TGFBR3: variants seen among roughly 807,000 people sequenced by gnomAD.
The protein encoded by TGFBR3 is transforming growth factor beta receptor 3.
A neutral mutation model predicts 87.9 loss-of-function variants in TGFBR3; 46 were observed. That is an observed-to-expected ratio of 0.52 (90% CI 0.41 to 0.67). The LOEUF (loss-of-function observed/expected upper bound fraction) is 0.67. Among genes scored for constraint, TGFBR3 ranks in the 30% least tolerant of loss-of-function variants. The pLI is 0.00. For synonymous variants in TGFBR3, 381 were observed against 391.6 expected (o/e 0.97, Z 0.32); for missense variants, 866 against 1,041.9 (o/e 0.83, Z 2.32).
chr1:91,689,840 TAAAAAAAAA>T (rs545760131), intron 16 of TGFBR3, among the ~76,000 whole-genome samples: 2 of 99,282 alleles, frequency 2.0e-5, no homozygotes, highest in South Asian at 7.6e-4. Context: ...AGAAACTGAT[TAAAAAAAAA>T]AAAAAAAAAA....
chr1:91,753,046 G>T (rs1368172208), intron 4 of TGFBR3, among the ~76,000 whole-genome samples: 1 of 149,178 alleles, frequency 6.7e-6, no homozygotes, highest in South Asian at 2.1e-4. Flanking sequence ...AAGAAAAAAA[G>T]AAAAAAAAAT....
intron 1 of TGFBR3, among the ~76,000 whole-genome samples, chr1:91,863,007 C>A (rs1366100844): frequency 6.6e-6 from 1 of 152,122 alleles, no homozygotes; most frequent in African/African-American, 2.4e-5. Context: ...TAATTTATTG[C>A]ATCAAGTGAC....
chr1:91,900,596 C>T (rs1679691763), intron 1 of TGFBR3, among the ~76,000 whole-genome samples: 1 of 152,152 alleles, frequency 6.6e-6, no homozygotes, highest in Non-Finnish European at 1.5e-5. Context: ...AAAAGTATCA[C>T]ATACAAGAAA....
intron 1 of TGFBR3, among the ~76,000 whole-genome samples, chr1:91,881,525 T>C (rs1679072937): frequency 6.6e-6 from 1 of 152,080 alleles, no homozygotes; most frequent in Admixed American, 6.6e-5. Flanking sequence ...CCAGAAACCA[T>C]AGCCTAGTAG....
chr1:91,691,930 G>A (rs950285361), intron 16 of TGFBR3, among the ~76,000 whole-genome samples: 8 of 152,098 alleles, frequency 5.3e-5, no homozygotes, highest in Non-Finnish European at 1.0e-4. Context: ...CCTGAGAGGC[G>A]GAGCTTGCAG....
At chr1:91,820,970 A>G (rs1050800666) in intron 2 of TGFBR3, among the ~76,000 whole-genome samples, 2 of 152,112 alleles carry the variant, frequency 1.3e-5, no homozygotes, top group Non-Finnish European at 2.9e-5. Context: ...CACGAGAGGA[A>G]CTCTGACTTT....
At chr1:91,850,580 AG>A (rs1000095984) in intron 2 of TGFBR3, among the ~76,000 whole-genome samples, 1 of 152,100 alleles carries the variant, frequency 6.6e-6, no homozygotes, top group Admixed American at 6.5e-5. Context: ...CAGAAGTTTG[AG>A]ACCAGCCTAG....
intron 1 of TGFBR3, among the ~76,000 whole-genome samples, chr1:91,904,808 C>T (rs914902339): frequency 5.9e-5 from 9 of 151,996 alleles, no homozygotes; most frequent in African/African-American, 1.9e-4. Flanking sequence ...TCAGGTGATC[C>T]GCCCACCTCG....
intron 3 of TGFBR3, among the ~76,000 whole-genome samples, chr1:91,768,200 G>A (rs1246465576): frequency 7.1e-5 from 9 of 126,654 alleles, no homozygotes; most frequent in Middle Eastern, 5.6e-3. Flanking sequence ...CAACAAGAGC[G>A]AAACTCCATC....
At chr1:91,845,292 A>G (rs929001143) in intron 2 of TGFBR3, among the ~76,000 whole-genome samples, 7 of 152,238 alleles carry the variant, frequency 4.6e-5, no homozygotes, top group Non-Finnish European at 8.8e-5. Context: ...CATGTTGCTC[A>G]AGCCCAAAAG....
intron 2 of TGFBR3, among the ~76,000 whole-genome samples, chr1:91,807,196 C>T (rs546777072): frequency 6.6e-6 from 1 of 152,190 alleles, no homozygotes; most frequent in Admixed American, 6.5e-5. Flanking sequence ...GCGCTTCTAC[C>T]ACAGCTCCTA....
At position 91,682,604 on chromosome 1, in the gene TGFBR3, T is replaced by C; in HGVS notation, c.*1135A>G. 1 of 453,986 alleles carries C rather than the reference T, an allele frequency of 2.2e-6. No homozygotes were observed. Among genetic ancestry groups the C allele is most frequent in the Non-Finnish European group, 4.4e-6 (1 of 226,764 alleles). 28.1% of individuals were successfully genotyped at this position (453,986 alleles called of 1,614,324 possible). ...CAATCTCAGCACTGTCTTGGTGGAA[T>C]TGGTGACACTATTCAGATAACCAAC... is the stretch of plus-strand genomic sequence containing the variant. On this transcript the variant is annotated 3_prime_UTR_variant, in exon 17 of 17. Coordinates refer to ENST00000212355, the MANE Select transcript of TGFBR3 (RefSeq NM_003243.5).
At chr1:91,765,680 C>T (rs1674154391) in intron 3 of TGFBR3, among the ~76,000 whole-genome samples, 1 of 152,176 alleles carries the variant, frequency 6.6e-6, no homozygotes, top group Non-Finnish European at 1.5e-5. Flanking sequence ...CAAATAAAAA[C>T]ACATAAAATG....
At chr1:91,892,478 C>T (rs12736904) in intron 2 of TGFBR3, among the ~76,000 whole-genome samples, 68,068 of 152,044 alleles carry the variant, frequency 0.45, 15,680 homozygotes, top group Non-Finnish European at 0.51. Flanking sequence ...AGACAAGGGG[C>T]ACCCGGAACA....
chr1:91,788,827 GC>G, intron 3 of TGFBR3, among the ~76,000 whole-genome samples: 1 of 152,300 alleles, frequency 6.6e-6, no homozygotes, highest in East Asian at 1.9e-4. Context: ...ATTTTTAAAT[GC>G]AGAGAGTGCT....
intron 12 of TGFBR3, among the ~76,000 whole-genome samples, chr1:91,715,817 T>C (rs563248507): frequency 1.3e-5 from 2 of 152,086 alleles, no homozygotes; most frequent in Admixed American, 6.6e-5. Context: ...CCACAGGGAT[T>C]TGGCTGCCCT....
rs117526414 is a variant in TGFBR3, at chr1:91,877,138, T to C, written c.-114+8740A>G. 7.1e-4 allele frequency among the ~76,000 whole-genome samples: 108 copies of C among 152,258 alleles called. No homozygotes were observed. The East Asian group carries it at 0.019, about 27-fold the overall frequency. ...CCAAAGAAAACACGTAAATCCCCTA[T>C]TATTATGCAAAAGTGGATTTTCTCC... On this transcript the variant is annotated intron_variant, in intron 1 of 16. Coordinates refer to ENST00000212355, the MANE Select transcript of TGFBR3 (RefSeq NM_003243.5).
At chr1:91,754,447 C>T (rs1208763060) in intron 4 of TGFBR3, among the ~76,000 whole-genome samples, 3 of 152,200 alleles carry the variant, frequency 2.0e-5, no homozygotes, top group Non-Finnish European at 4.4e-5. Flanking sequence ...ATTATTACAA[C>T]TTCATCACGT....
At chr1:91,879,314 G>A (rs1162766853) in intron 1 of TGFBR3, among the ~76,000 whole-genome samples, 1 of 151,654 alleles carries the variant, frequency 6.6e-6, no homozygotes, top group Non-Finnish European at 1.5e-5. Flanking sequence ...AATCAACTTT[G>A]CTAGGCTCTA....
Sources: gnomAD v4.1 joint callset for allele counts (sites outside exome capture counted in the v4.1 genomes callset) on GRCh38, gnomAD v4.1.1 for gene constraint, MANE v1.5 for transcripts, NCBI Gene and HGNC (gene_info 2026-07-23, HGNC 2026-07-21) for gene names.